The following TUBA3C variants were observed in gnomAD, a reference collection of about 807,000 sequenced individuals.
TUBA3C encodes the protein tubulin alpha 3c.
Under a neutral mutation model 33.4 loss-of-function variants are expected in TUBA3C, and 23 were observed. The ratio of observed to expected loss-of-function variants is 0.69; its 90% CI spans 0.50 to 0.98. The LOEUF (loss-of-function observed/expected upper bound fraction) is 0.98, where lower values mean the gene tolerates loss of function less well. Ranked by LOEUF, TUBA3C falls within the 50% of genes least tolerant of loss-of-function variation. The pLI is 0.00. For missense variants in TUBA3C, 402 were observed against 616.0 expected (o/e 0.65, Z 3.68); for synonymous variants, 269 against 250.4 (o/e 1.07, Z -0.70).
rs755505505 is a variant in TUBA3C, at chr13:19,179,450, A to C, written c.117T>G (p.Asp39Glu). 6.2e-7 allele frequency: 1 copy of C among 1,614,068 alleles called. No homozygotes were observed. The highest frequency in any genetic ancestry group is 1.1e-5 in the South Asian group (1 of 91,066). The stretch of plus-strand genomic sequence containing the variant: ...AGTCGTCCCCACCACCAATGGTTTT[A>C]TCACTTGGCATCTGACCATCGGGCT... ...GIQPDGQMPS[D>E]KTIGGGDDSF... Residue 39 changes from aspartate to glutamate, a missense_variant, in exon 2 of 5, where the codon GAT becomes GAG. Physicochemically the swap from Asp to Glu is conservative, Grantham distance 45. Coordinates refer to ENST00000400113, the MANE Select transcript of TUBA3C (RefSeq NM_006001.3).
At chr13:19,180,473 C>A (rs1869361342) in intron 1 of TUBA3C, among the ~76,000 whole-genome samples, 1 of 151,812 alleles carries the variant, frequency 6.6e-6, no homozygotes. Flanking sequence ...CGCTTGGGAC[C>A]AGTTTGAGAC....
intron 2 of TUBA3C, among the ~76,000 whole-genome samples, chr13:19,178,801 A>G (rs1049277735): frequency 2.6e-5 from 4 of 152,198 alleles, no homozygotes; most frequent in African/African-American, 9.6e-5. Context: ...TCTGCAGGGC[A>G]GTCCCATCAG....
intron 1 of TUBA3C, 77 bp from the exon 2 acceptor site, chr13:19,179,640 T>G: frequency 6.8e-7 from 1 of 1,473,426 alleles, no homozygotes; most frequent in Non-Finnish European, 9.1e-7. Context: ...AATATTATAA[T>G]TTAATATTTA....
chr13:19,173,885 G>A lies in TUBA3C; in HGVS notation c.1331C>T (p.Ala444Val), dbSNP rs1227702517. ...EVGVDSVEAE[A>V]EEGEEY is the part of the protein sequence containing the mutation. ...CCCTCAGTATTCTTCACCTTCTTCA[G>A]CCTCGGCTTCCACGGAATCCACGCC... The change falls in exon 5 of 5, where the codon GCT (alanine) becomes GTT (valine). Residue 444 changes from alanine (A) to valine (V), a missense_variant. Transcript: ENST00000400113. 6.2e-7 allele frequency: 1 copy of A among 1,613,926 alleles called. No individual in the cohort carries two copies. The highest frequency in any genetic ancestry group is 8.5e-7 in the Non-Finnish European group (1 of 1,179,910).
At chr13:19,178,645 G>A (rs185456600) in intron 2 of TUBA3C, among the ~76,000 whole-genome samples, 15 of 152,282 alleles carry the variant, frequency 9.9e-5, no homozygotes, top group South Asian at 2.1e-4. Context: ...ATGTCAGCAC[G>A]ACCAGCTCCC....
At chr13:19,178,447 A>G in intron 2 of TUBA3C, 53 bp from the exon 3 acceptor site, 2 of 1,604,040 alleles carry the variant, frequency 1.2e-6, no homozygotes, top group Non-Finnish European at 8.5e-7. Flanking sequence ...ACTCACCAAG[A>G]TGGACACATT....
At position 19,177,126 on chromosome 13, in the gene TUBA3C, A is replaced by T; in HGVS notation, c.857T>A (p.Leu286Gln). Residue 286 changes from leucine (L) to glutamine (Q), a missense_variant, in exon 4 of 5, where the codon CTG becomes CAG. Physicochemically the swap from Leu to Gln is moderately radical, Grantham distance 113. Transcript: ENST00000400113. The surrounding 1 kb of genome is among the most constrained non-coding windows in gnomAD (Gnocchi z 5.0). ...GGCATTGGTGATCTCAGCCACGGACAGCTGCTCGTGGTAGGCCTTCTCGGC... is the reference window on the plus strand; with the variant it reads ...GGCATTGGTGATCTCAGCCACGGACTGCTGCTCGTGGTAGGCCTTCTCGGC... ...ISAEKAYHEQ[L>Q]SVAEITNACF... 2 of 1,614,162 alleles carry T rather than the reference A, an allele frequency of 1.2e-6. No homozygotes were observed. The highest frequency in any genetic ancestry group is 1.1e-5 in the South Asian group (1 of 91,070).
Position 19,177,317 on chromosome 13 carries a change from G to A in TUBA3C, c.666C>T (p.Pro222=). 3 of 1,614,126 alleles carry A rather than the reference G, an allele frequency of 1.9e-6. No homozygotes were observed. Among genetic ancestry groups the A allele is most frequent in the Non-Finnish European group, 2.5e-6 (3 of 1,180,032 alleles). Residue 222 remains proline, a synonymous_variant, in exon 4 of 5, where the codon CCC becomes CCT. Coordinates refer to ENST00000400113, the MANE Select transcript of TUBA3C (RefSeq NM_006001.3). This position sits in a 1 kb window ranked among gnomAD's most constrained non-coding sequence, Gnocchi z 5.0. The part of the protein sequence containing the change: ...ICRRNLDIER[P]TYTNLNRLIG... The stretch of plus-strand genomic sequence containing the variant: ...TCAGGCGATTGAGGTTGGTGTACGT[G>A]GGACGCTCGATGTCCAGGTTGCGCC...
At chr13:19,176,729 A>AAAAAAAAAAC (rs1869191973) in intron 4 of TUBA3C, among the ~76,000 whole-genome samples, 198 bp downstream of exon 4, 1 of 94,572 alleles carries the variant, frequency 1.1e-5, no homozygotes, top group Non-Finnish European at 2.1e-5. Context: ...CTGCCTCAAA[A>AAAAAAAAAAC]AAAAAAAAAA....
chr13:19,181,171 G>A (rs2138960029), intron 1 of TUBA3C, among the ~76,000 whole-genome samples: 1 of 151,476 alleles, frequency 6.6e-6, no homozygotes, highest in Admixed American at 6.6e-5. Flanking sequence ...TCCCACCTCA[G>A]CCTCCCGAGT....
chr13:19,177,127 G>T lies in TUBA3C; in HGVS notation c.856C>A (p.Leu286Met). 6.2e-7 allele frequency: 1 copy of T among 1,614,186 alleles called. No homozygotes were observed. Among genetic ancestry groups the T allele is most frequent in the South Asian group, 1.1e-5 (1 of 91,072 alleles). Residue 286 changes from leucine to methionine, a missense_variant, in exon 4 of 5, where the codon CTG becomes ATG. Transcript: ENST00000400113. This position sits in a 1 kb window ranked among gnomAD's most constrained non-coding sequence, Gnocchi z 5.0. Reference sequence around the variant, plus strand: ...GCATTGGTGATCTCAGCCACGGACAGCTGCTCGTGGTAGGCCTTCTCGGCT... The same window carrying T: ...GCATTGGTGATCTCAGCCACGGACATCTGCTCGTGGTAGGCCTTCTCGGCT... ...ISAEKAYHEQ[L>M]SVAEITNACF... is the part of the protein sequence containing the mutation.
rs1565971524 is a variant in TUBA3C at position 19,177,712 on chromosome 13, CA to C, written c.376-106del. The C allele has an allele frequency of 7.3e-7, 1 of 1,377,062 alleles. No individual in the cohort carries two copies. The highest frequency in any genetic ancestry group is 1.5e-5 in the African/African-American group (1 of 68,612). 85.3% of individuals were successfully genotyped at this position (1,377,062 alleles called of 1,614,324 possible). On this transcript the variant is annotated intron_variant, in intron 3 of 4. Transcript: ENST00000400113. This position sits in a 1 kb window ranked among gnomAD's most constrained non-coding sequence, Gnocchi z 5.0. ...GCCTCTGAAGACTTGATATGGATTC[CA>C]ATCATCCATAATAAACACGCAGTAC... is the stretch of plus-strand genomic sequence containing the variant.
intron 1 of TUBA3C, among the ~76,000 whole-genome samples, chr13:19,180,947 T>C (rs1431911472): frequency 6.7e-6 from 1 of 148,710 alleles, no homozygotes; most frequent in East Asian, 2.0e-4. Context: ...AACAGAGCTG[T>C]TGTTGAGCCG....
At position 19,177,917 on chromosome 13, in the gene TUBA3C, G is replaced by A. The variant is rs148488317; in HGVS notation, c.376-310C>T. ...GCCGGAGGGCAGTGGCATGAACTCC[G>A]CTCAGTGCAACCTCTGCCTCCCGGG... On this transcript the variant is annotated intron_variant, in intron 3 of 4. Coordinates refer to ENST00000400113, the MANE Select transcript of TUBA3C (RefSeq NM_006001.3). The surrounding 1 kb of genome is among the most constrained non-coding windows in gnomAD (Gnocchi z 5.0). Among the ~76,000 whole-genome samples, 884 of 144,114 alleles carry A rather than the reference G, an allele frequency of 6.1e-3. 7 individuals are homozygous for A. Among genetic ancestry groups the A allele is most frequent in the African/African-American group, 0.022 (839 of 38,996 alleles). 94.5% of individuals were successfully genotyped at this position (144,114 alleles called of 152,430 possible). A position where few individuals can be genotyped will look rare whatever the true frequency, so the allele number is the denominator to read the frequency against.
Position 19,175,348 on chromosome 13 carries a change from A to T in TUBA3C, c.1057-1189T>A, listed in dbSNP as rs117152451. Among the ~76,000 whole-genome samples, 913 of 152,354 alleles carry T rather than the reference A, an allele frequency of 6.0e-3. 8 individuals carry two copies. Among genetic ancestry groups the T allele is most frequent in the Non-Finnish European group, 9.0e-3 (612 of 68,028 alleles). On this transcript the variant is annotated intron_variant, in intron 4 of 4. Coordinates refer to ENST00000400113, the MANE Select transcript of TUBA3C (RefSeq NM_006001.3). ...TTTGGCCTGGGTTTGCCTCAGACACAAAATCTGTCCCCACCTTCCACTGAC... is the reference window on the plus strand; with the variant it reads ...TTTGGCCTGGGTTTGCCTCAGACACTAAATCTGTCCCCACCTTCCACTGAC...
At chr13:19,180,719 T>A (rs372818857) in intron 1 of TUBA3C, among the ~76,000 whole-genome samples, 4 of 151,962 alleles carry the variant, frequency 2.6e-5, no homozygotes, top group Non-Finnish European at 4.4e-5. Flanking sequence ...ATGGTCTCGA[T>A]CTCCTGACCT....
At chr13:19,180,302 C>T (rs560745327) in intron 1 of TUBA3C, among the ~76,000 whole-genome samples, 1 of 152,104 alleles carries the variant, frequency 6.6e-6, no homozygotes, top group Non-Finnish European at 1.5e-5. Flanking sequence ...TTCGTAAGCA[C>T]TCCCTCCCCT....
intron 2 of TUBA3C, 149 bp downstream of exon 2, chr13:19,179,192 G>A (rs756957609): frequency 2.9e-5 from 39 of 1,351,806 alleles, no homozygotes; most frequent in East Asian, 7.6e-5. Context: ...CTTTAATCAC[G>A]AACCTTTCAG....
chr13:19,178,291 G>A lies in TUBA3C; in HGVS notation c.330C>T (p.Ile110=), dbSNP rs1486793465. The change falls in exon 3 of 5, where the codon ATC becomes ATT. Residue 110 remains isoleucine, a synonymous_variant. Transcript: ENST00000400113. Reference sequence around the variant, plus strand: ...GGACCAGGTCGACGATCTCCTTGCCGATGGTGTAATGGCCTCTGGCGTAAT... The same window carrying A: ...GGACCAGGTCGACGATCTCCTTGCCAATGGTGTAATGGCCTCTGGCGTAAT... ...ANNYARGHYT[I]GKEIVDLVLD... The A allele has an allele frequency of 8.1e-6, 13 of 1,614,180 alleles. No homozygotes were observed. Among genetic ancestry groups the A allele is most frequent in the East Asian group, 6.7e-5 (3 of 44,878 alleles).
Sources: gnomAD v4.1 joint callset for allele counts (sites outside exome capture counted in the v4.1 genomes callset) on GRCh38, gnomAD v4.1.1 for gene constraint, Gnocchi (gnomAD v3.1) non-coding constraint, MANE v1.5 for transcripts, NCBI Gene and HGNC (gene_info 2026-07-23, HGNC 2026-07-21) for gene names.